The following SMC4 variants were observed in gnomAD, a reference collection of about 807,000 sequenced individuals.
The protein encoded by SMC4 is structural maintenance of chromosomes protein 4.
SMC4 carries 87 observed loss-of-function variants against 145.6 expected under a neutral mutation model. The observed-to-expected ratio is 0.60, with a 90% CI of 0.50 to 0.71. The LOEUF (loss-of-function observed/expected upper bound fraction) is 0.71. Among genes scored for constraint, SMC4 ranks in the 30% least tolerant of loss-of-function variants. The probability of loss-of-function intolerance (pLI) is 0.00; values close to 1 mark genes in which losing one functional copy is unlikely to be tolerated. For synonymous variants in SMC4, 558 were observed against 500.7 expected, an observed-to-expected ratio of 1.11 and a Z score of -1.53; for missense variants, 1,447 against 1,537.1, an observed-to-expected ratio of 0.94 and a Z score of 0.98.
At position 160,418,097 on chromosome 3, in the gene SMC4, A is replaced by G. The variant is rs377400648; in HGVS notation, c.1671+141A>G. On this transcript the variant is annotated intron_variant, in intron 11 of 23. Transcript: ENST00000357388. ...ATAATCTCAAAAGAATGAGGTCAGCATTTCAGTATTCCATATGTGAACTGA... is the reference window on the plus strand; with the variant it reads ...ATAATCTCAAAAGAATGAGGTCAGCGTTTCAGTATTCCATATGTGAACTGA... 4.6e-3 allele frequency: 3,183 copies of G among 688,574 alleles called. 43 individuals carry two copies. Among genetic ancestry groups the G allele is most frequent in the Middle Eastern group, 0.022 (55 of 2,548 alleles). 42.7% of individuals were successfully genotyped at this position (688,574 alleles called of 1,614,324 possible). A position where few individuals can be genotyped will look rare whatever the true frequency, so the allele number is the denominator to read the frequency against.
Position 160,420,775 on chromosome 3 carries a change from G to A in SMC4, c.1893G>A (p.Val631=), listed in dbSNP as rs987144940. The A allele has an allele frequency of 6.2e-7, 1 of 1,613,406 alleles. No individual in the cohort carries two copies. The highest frequency in any genetic ancestry group is 2.2e-5 in the East Asian group (1 of 44,824). ...GAGCCATTGATGAAAAATACGACGT[G>A]GCTATATCATCCTGTTGTCATGCAC... ...DLGAIDEKYD[V]AISSCCHALD... Residue 631 remains valine (V), a synonymous_variant, in exon 13 of 24, where the codon GTG becomes GTA. Transcript: ENST00000357388.
chr3:160,430,279 A>G (rs1041756765), intron 18 of SMC4, among the ~76,000 whole-genome samples: 4 of 152,192 alleles, frequency 2.6e-5, no homozygotes, highest in Non-Finnish European at 5.9e-5. Flanking sequence ...TTATGGGTGT[A>G]GAGATTTAAC....
rs534889472 is a variant in SMC4 at position 160,412,092 on chromosome 3, ATCTGTAGACTT to A, written c.852+11_852+21del. ...GAACACAGAGGAGAGAAGGTGAATCATCTGTAGACTTTCATTGTAAATCAGAATGTTTCATT... is the reference window on the plus strand; with the variant it reads ...GAACACAGAGGAGAGAAGGTGAATCATCATTGTAAATCAGAATGTTTCATT... On this transcript the variant is annotated intron_variant, in intron 6 of 23. Transcript: ENST00000357388. The A allele has an allele frequency of 5.3e-5, 85 of 1,605,326 alleles. No homozygotes were observed. Among genetic ancestry groups the A allele is most frequent in the Non-Finnish European group, 7.1e-5 (83 of 1,176,434 alleles).
At chr3:160,423,343 C>T in intron 13 of SMC4, 82 bp from the exon 14 acceptor site, 87 of 961,450 alleles carry the variant, frequency 9.0e-5, no homozygotes, top group East Asian at 3.2e-4. Context: ...GAATTTATTC[C>T]TATGGGTTTT....
In SMC4 at chr3:160,432,236, TATCAA is replaced by T; in HGVS notation, c.3298-44_3298-40del. The T allele has an allele frequency of 3.0e-6, 4 of 1,324,864 alleles. No individual in the cohort carries two copies. The South Asian group carries it at 5.3e-5, about 17-fold the overall frequency. 82.1% of individuals were successfully genotyped at this position (1,324,864 alleles called of 1,614,324 possible). A position where few individuals can be genotyped will look rare whatever the true frequency, so the allele number is the denominator to read the frequency against. ...TAATAATTAACAATGCTAATTATCA[TATCAA>T]ATTTATCTGAATAGATTTTCCCTAT... On this transcript the variant is annotated intron_variant, in intron 21 of 23. Transcript: ENST00000357388.
intron 9 of SMC4, among the ~76,000 whole-genome samples, chr3:160,415,487 A>G (rs1716484931): frequency 6.6e-6 from 1 of 152,252 alleles, no homozygotes; most frequent in Non-Finnish European, 1.5e-5. Flanking sequence ...GCTTTGTTCC[A>G]TATGGTTACA....
intron 11 of SMC4, among the ~76,000 whole-genome samples, chr3:160,418,508 A>T (rs1716821934): frequency 6.6e-6 from 1 of 152,168 alleles, no homozygotes; most frequent in Non-Finnish European, 1.5e-5. Context: ...TAAAAAAAAA[A>T]TCTGTTTGAA....
At chr3:160,430,512 A>G in intron 18 of SMC4, 87 bp from the exon 19 acceptor site, 1 of 1,152,108 alleles carries the variant, frequency 8.7e-7, no homozygotes, top group South Asian at 2.0e-5. Flanking sequence ...TGTCACATTA[A>G]ATTTCATGAA....
At chr3:160,429,826 C>T (rs1183977250) in intron 18 of SMC4, among the ~76,000 whole-genome samples, 3 of 151,232 alleles carry the variant, frequency 2.0e-5, no homozygotes, top group Admixed American at 1.3e-4. Flanking sequence ...AAGTGATTCT[C>T]CTGTCTCAGC....
chr3:160,422,735 G>A (rs1048666550), intron 13 of SMC4, among the ~76,000 whole-genome samples: 9 of 152,046 alleles, frequency 5.9e-5, no homozygotes, highest in African/African-American at 2.2e-4. Context: ...CCTAATCCAA[G>A]GTCACAGTGA....
At chr3:160,400,278 C>T (rs1321951281) in intron 1 of SMC4, 1 of 152,486 alleles carries the variant, frequency 6.6e-6, no homozygotes, top group Non-Finnish European at 1.5e-5. Flanking sequence ...TCGTTATGCC[C>T]CGGGCCGTCA....
At chr3:160,421,825 C>CT (rs1717213161) in intron 13 of SMC4, among the ~76,000 whole-genome samples, 1 of 152,168 alleles carries the variant, frequency 6.6e-6, no homozygotes, top group Admixed American at 6.5e-5. Context: ...TGACCACTAT[C>CT]TAATTCCAAG....
intron 9 of SMC4, among the ~76,000 whole-genome samples, chr3:160,414,794 C>T (rs147347250): frequency 6.6e-6 from 1 of 152,232 alleles, no homozygotes; most frequent in African/African-American, 2.4e-5. Context: ...TAGTCTTGAA[C>T]TCCTGGGCTT....
chr3:160,400,516 C>G, intron 1 of SMC4: 1 of 302,464 alleles, frequency 3.3e-6, no homozygotes, highest in Admixed American at 5.3e-5. Flanking sequence ...ATATTATACG[C>G]TTATACTATG....
At chr3:160,414,791 G>C (rs1212434378) in intron 9 of SMC4, among the ~76,000 whole-genome samples, 3 of 152,018 alleles carry the variant, frequency 2.0e-5, no homozygotes, top group Non-Finnish European at 4.4e-5. Flanking sequence ...TTATAGTCTT[G>C]AACTCCTGGG....
chr3:160,420,016 A>G (rs1268864435), intron 12 of SMC4, among the ~76,000 whole-genome samples: 2 of 152,218 alleles, frequency 1.3e-5, no homozygotes, highest in Admixed American at 1.3e-4. Context: ...GCTAGCATTT[A>G]AGGATATAAC....
chr3:160,407,764 G>T (rs575797544), intron 5 of SMC4, among the ~76,000 whole-genome samples: 2 of 152,052 alleles, frequency 1.3e-5, no homozygotes, highest in East Asian at 3.9e-4. Flanking sequence ...AGTTTTTTCA[G>T]TAATGCCTCA....
In SMC4 at chr3:160,431,605, T is replaced by A. The variant is rs1232017859; in HGVS notation, c.3115-38T>A. 3.5e-6 allele frequency: 5 copies of A among 1,440,078 alleles called. No homozygotes were observed. The African/African-American group carries it at 4.3e-5, about 13-fold the overall frequency. The allele number at this position is 1,440,078 out of a possible 1,614,324, so 89.2% of individuals were successfully genotyped here. A position where few individuals can be genotyped will look rare whatever the true frequency, so the allele number is the denominator to read the frequency against. On this transcript the variant is annotated intron_variant, in intron 20 of 23. Coordinates refer to ENST00000357388, the MANE Select transcript of SMC4 (RefSeq NM_001002800.3). ...TTAAACAATGAATTGTATGTAATAT[T>A]ATGCCTTCTCTAACTCTCCCCTAAA...
intron 15 of SMC4, 28 bp downstream of exon 15, chr3:160,423,868 CTTT>C (rs563297060): frequency 2.5e-5 from 30 of 1,222,476 alleles, no homozygotes; most frequent in Non-Finnish European, 3.1e-5. Context: ...TGTATCCAGA[CTTT>C]TTTTTTTTTT....
Sources: gnomAD v4.1 joint callset for allele counts (sites outside exome capture counted in the v4.1 genomes callset) on GRCh38, gnomAD v4.1.1 for gene constraint, MANE v1.5 for transcripts, NCBI Gene and HGNC (gene_info 2026-07-23, HGNC 2026-07-21) for gene names.